The following VPS13B variants were observed in gnomAD, a reference collection of about 807,000 sequenced individuals.
The protein encoded by VPS13B is intermembrane lipid transfer protein VPS13B.
In VPS13B, 285 loss-of-function variants were observed where a neutral mutation model predicts 426.4. The ratio of observed to expected loss-of-function variants is 0.67; its 90% CI spans 0.61 to 0.74. The LOEUF is 0.74. Ranked by LOEUF, VPS13B falls within the 30% of genes least tolerant of loss-of-function variation. VPS13B has a pLI of 0.00. For missense variants in VPS13B, 4,537 were observed against 4,782.6 expected (o/e 0.95, Z 1.51); for synonymous variants, 1,676 against 1,676.4 (o/e 1.00, Z 0.01).
At chr8:99,525,469 T>C (rs1416140555) in intron 30 of VPS13B, among the ~76,000 whole-genome samples, 17 of 152,172 alleles carry the variant, frequency 1.1e-4, no homozygotes, top group Admixed American at 1.1e-3. Flanking sequence ...CTTCCAAAGC[T>C]AAGAACAGAC....
At chr8:99,717,413 A>G (rs975357740) in intron 37 of VPS13B, 40 bp downstream of exon 37, 43 of 1,546,816 alleles carry the variant, frequency 2.8e-5, no homozygotes, top group Non-Finnish European at 3.7e-5. Flanking sequence ...TAGGTTATTA[A>G]CTAGCCTCTG....
At chr8:99,745,414 T>C (rs900694117) in intron 39 of VPS13B, among the ~76,000 whole-genome samples, 1 of 152,142 alleles carries the variant, frequency 6.6e-6, no homozygotes, top group African/African-American at 2.4e-5. Flanking sequence ...TGGTTTCACT[T>C]TCCACAGTTT....
intron 30 of VPS13B, among the ~76,000 whole-genome samples, chr8:99,521,772 C>T (rs1822389157): frequency 6.6e-6 from 1 of 152,220 alleles, no homozygotes; most frequent in East Asian, 1.9e-4. Context: ...CTACTGTTCT[C>T]CAGTAAATGT....
At chr8:99,665,502 G>C (rs2129816414) in intron 35 of VPS13B, among the ~76,000 whole-genome samples, 1 of 152,312 alleles carries the variant, frequency 6.6e-6, no homozygotes. Flanking sequence ...TGTATAAGGT[G>C]TAAGGAAGGG....
chr8:99,244,900 A>C (rs1240979294), intron 17 of VPS13B, among the ~76,000 whole-genome samples: 1 of 152,202 alleles, frequency 6.6e-6, no homozygotes, highest in Non-Finnish European at 1.5e-5. Context: ...ATATGTGTAC[A>C]TGTGTGGTGC....
chr8:99,095,039 C>G (rs974350660), intron 3 of VPS13B, among the ~76,000 whole-genome samples: 50 of 152,160 alleles, frequency 3.3e-4, no homozygotes, highest in Non-Finnish European at 8.8e-5. Flanking sequence ...ATTTTCTCTT[C>G]GTAATGCCTA....
chr8:99,244,811 GGAA>G (rs1399902274), intron 17 of VPS13B, among the ~76,000 whole-genome samples: 8 of 152,128 alleles, frequency 5.3e-5, no homozygotes, highest in South Asian at 4.1e-4. Context: ...AAACTAAACA[GGAA>G]GAAGGACTAT....
At chr8:99,842,559 G>A (rs574054074) in intron 54 of VPS13B, among the ~76,000 whole-genome samples, 1 of 151,990 alleles carries the variant, frequency 6.6e-6, no homozygotes, top group Admixed American at 6.5e-5. Flanking sequence ...AGACTGCCTT[G>A]AGCTATGATC....
At chr8:99,563,805 G>C (rs1373308974) in intron 31 of VPS13B, among the ~76,000 whole-genome samples, 2 of 152,160 alleles carry the variant, frequency 1.3e-5, no homozygotes, top group Non-Finnish European at 2.9e-5. Flanking sequence ...AACTAATCAA[G>C]AGACTGAATG....
chr8:99,038,152 A>G (rs1287754739), intron 2 of VPS13B, among the ~76,000 whole-genome samples: 2 of 152,096 alleles, frequency 1.3e-5, no homozygotes, highest in Non-Finnish European at 2.9e-5. Flanking sequence ...TGTACCATAA[A>G]TTATTGTTAT....
At chr8:99,788,792 G>T (rs1812398884) in intron 43 of VPS13B, among the ~76,000 whole-genome samples, 1 of 152,090 alleles carries the variant, frequency 6.6e-6, no homozygotes, top group South Asian at 2.1e-4. Context: ...TCCAAAAATA[G>T]GCTACATGCC....
chr8:99,381,101 T>C (rs1209030332), intron 19 of VPS13B, among the ~76,000 whole-genome samples: 1 of 152,090 alleles, frequency 6.6e-6, no homozygotes, highest in Non-Finnish European at 1.5e-5. Flanking sequence ...TTCTCCTCTA[T>C]GTGTCCATGT....
At chr8:99,328,060 G>A (rs1196362219) in intron 19 of VPS13B, among the ~76,000 whole-genome samples, 2 of 152,192 alleles carry the variant, frequency 1.3e-5, no homozygotes, top group African/African-American at 4.8e-5. Context: ...TAGCAGGTTA[G>A]TGGTGGGTTA....
At chr8:99,715,500 T>G (rs1284892430) in intron 36 of VPS13B, among the ~76,000 whole-genome samples, 1 of 152,136 alleles carries the variant, frequency 6.6e-6, no homozygotes, top group African/African-American at 2.4e-5. Flanking sequence ...TCAAAGGAAA[T>G]AAGAGCCTTC....
At chr8:99,339,945 C>G (rs1362853156) in intron 19 of VPS13B, among the ~76,000 whole-genome samples, 1 of 152,078 alleles carries the variant, frequency 6.6e-6, no homozygotes, top group Non-Finnish European at 1.5e-5. Flanking sequence ...CAACAAATAA[C>G]AAAACAATGT....
intron 17 of VPS13B, among the ~76,000 whole-genome samples, chr8:99,253,306 A>G (rs1026564833): frequency 3.3e-5 from 5 of 152,132 alleles, no homozygotes; most frequent in African/African-American, 1.2e-4. Flanking sequence ...ACATTCTTAT[A>G]TAAGCTTTTG....
rs190074565 is a variant in VPS13B at position 99,545,021 on chromosome 8, T to C, written c.4746-11429T>C. Among the ~76,000 whole-genome samples the C allele has an allele frequency of 2.0e-4, 31 of 152,332 alleles. No homozygotes were observed. In the East Asian group the frequency reaches 6.0e-3, roughly 29 times the overall value. On this transcript the variant is annotated intron_variant, in intron 30 of 61. Coordinates refer to ENST00000357162, the MANE Select transcript of VPS13B (RefSeq NM_152564.5). Reference sequence around the variant, plus strand: ...ACACCATAATTCTGTTTGGCCTTTTTATTGAAACAACTATATCAAAACAAT... The same window carrying C: ...ACACCATAATTCTGTTTGGCCTTTTCATTGAAACAACTATATCAAAACAAT...
At chr8:99,605,072 T>C (rs920000901) in intron 33 of VPS13B, among the ~76,000 whole-genome samples, 1 of 152,244 alleles carries the variant, frequency 6.6e-6, no homozygotes, top group Non-Finnish European at 1.5e-5. Flanking sequence ...AGCTTTAGTC[T>C]TTTCATTTGC....
intron 2 of VPS13B, among the ~76,000 whole-genome samples, chr8:99,030,435 CT>C (rs1452689754): frequency 6.8e-6 from 1 of 148,080 alleles, no homozygotes; most frequent in East Asian, 2.0e-4. Flanking sequence ...ACTGGTATGT[CT>C]AAATTGTCCC....
Sources: gnomAD v4.1 joint callset for allele counts (sites outside exome capture counted in the v4.1 genomes callset) on GRCh38, gnomAD v4.1.1 for gene constraint, MANE v1.5 for transcripts, NCBI Gene and HGNC (gene_info 2026-07-23, HGNC 2026-07-21) for gene names.